GALNT14: variants seen among roughly 807,000 people sequenced by gnomAD.
GALNT14 encodes the protein polypeptide N-acetylgalactosaminyltransferase 14.
GALNT14 carries 60 observed loss-of-function variants against 77.5 expected under a neutral mutation model. The ratio of observed to expected loss-of-function variants is 0.77; its 90% confidence interval spans 0.63 to 0.96. The LOEUF is 0.96. GALNT14 is among the 40% of genes least tolerant of loss of function. The pLI, the probability that GALNT14 is intolerant of heterozygous loss-of-function variation, is 0.00. For synonymous variants in GALNT14, 280 were observed against 281.7 expected (o/e 0.99, Z 0.06); for missense variants, 710 against 731.0 (o/e 0.97, Z 0.33).
At chr2:31,037,967 T>A (rs10192472) in intron 1 of GALNT14, among the ~76,000 whole-genome samples, 59,860 of 149,784 alleles carry the variant, frequency 0.4, 12,129 homozygotes, top group East Asian at 0.54. Flanking sequence ...TGCATGGCAT[T>A]CTAAATTCTT....
intron 1 of GALNT14, among the ~76,000 whole-genome samples, chr2:31,133,255 C>A (rs550048704): frequency 3.3e-5 from 5 of 152,182 alleles, no homozygotes; most frequent in African/African-American, 4.8e-5. Context: ...GTCTAGGAAG[C>A]GGGCAACAAG....
At chr2:30,930,039 T>C (rs1665632121) in intron 10 of GALNT14, among the ~76,000 whole-genome samples, 1 of 152,184 alleles carries the variant, frequency 6.6e-6, no homozygotes, top group South Asian at 2.1e-4. Context: ...GCATTTTGGA[T>C]TTTAGATTTT....
chr2:31,031,761 G>A (rs1005905557), intron 1 of GALNT14, among the ~76,000 whole-genome samples: 2 of 152,188 alleles, frequency 1.3e-5, no homozygotes, highest in African/African-American at 4.8e-5. Context: ...AGAAGGAAAT[G>A]TGACTTTGAG....
chr2:31,058,674 T>A (rs1488545255), intron 1 of GALNT14, among the ~76,000 whole-genome samples: 4 of 152,090 alleles, frequency 2.6e-5, no homozygotes, highest in African/African-American at 9.7e-5. Flanking sequence ...TACCTCCTTT[T>A]CCACTCTGGC....
intron 1 of GALNT14, among the ~76,000 whole-genome samples, chr2:31,096,457 T>A (rs1677008848): frequency 6.6e-6 from 1 of 152,170 alleles, no homozygotes; most frequent in Non-Finnish European, 1.5e-5. Context: ...AGGGCTTTAA[T>A]CTAAGACAGT....
intron 1 of GALNT14, among the ~76,000 whole-genome samples, chr2:31,103,126 A>G (rs1477570427): frequency 6.6e-6 from 1 of 152,086 alleles, no homozygotes; most frequent in Non-Finnish European, 1.5e-5. Flanking sequence ...AGATATGACA[A>G]ATAGGCTTAT....
At position 31,011,506 on chromosome 2, in the gene GALNT14, T is replaced by A. The variant is rs557657195; in HGVS notation, c.130-18499A>T. Among the ~76,000 whole-genome samples the A allele has an allele frequency of 2.6e-5, 4 of 152,216 alleles. No homozygotes were observed. In the South Asian group the frequency reaches 8.3e-4, roughly 32 times the overall value. On this transcript the variant is annotated intron_variant, in intron 1 of 14. Coordinates refer to ENST00000349752, the MANE Select transcript of GALNT14 (RefSeq NM_024572.4). ...ACTATTTGAGGAGACAGGGCCCTAT[T>A]TTTCAGTGTAATAGAAGCCATGGTC...
In GALNT14 at chr2:30,955,989, A is replaced by G. The variant is rs767871980; in HGVS notation, c.467-12T>C. 3.1e-6 allele frequency: 5 copies of G among 1,614,166 alleles called. No homozygotes were observed. The highest frequency in any genetic ancestry group is 1.7e-5 in the Admixed American group (1 of 60,032). Reference sequence around the variant, plus strand: ...TTTACAGTCATCAGCTGCAAAGACAAAAGGTTAAGCCAATTGAGCGCCCAG... The same window carrying G: ...TTTACAGTCATCAGCTGCAAAGACAGAAGGTTAAGCCAATTGAGCGCCCAG... On this transcript the variant is annotated splice_polypyrimidine_tract_variant and intron_variant, in intron 4 of 14. Coordinates refer to ENST00000349752, the MANE Select transcript of GALNT14 (RefSeq NM_024572.4).
intron 1 of GALNT14, among the ~76,000 whole-genome samples, chr2:31,006,160 C>T (rs115443489): frequency 2.0e-3 from 306 of 152,324 alleles, no homozygotes; most frequent in African/African-American, 6.9e-3. Context: ...CAGTCACACT[C>T]ACGAGGAATG....
intron 1 of GALNT14, among the ~76,000 whole-genome samples, chr2:31,025,863 T>C (rs1212044318): frequency 6.6e-6 from 1 of 152,208 alleles, no homozygotes; most frequent in Non-Finnish European, 1.5e-5. Flanking sequence ...CAGGCAGGCC[T>C]TCTATGTTAC....
At chr2:31,125,777 T>C (rs1678673861) in intron 1 of GALNT14, among the ~76,000 whole-genome samples, 2 of 152,360 alleles carry the variant, frequency 1.3e-5, no homozygotes, top group East Asian at 3.9e-4. Flanking sequence ...TCCTGGCACA[T>C]GATAGCTTTC....
Position 31,027,886 on chromosome 2 carries a change from C to CTGTGTGTGTGTGTGTGTGTGTGTGTG in GALNT14, c.130-34905_130-34880dup, listed in dbSNP as rs10562223. 5.9e-3 allele frequency among the ~76,000 whole-genome samples: 843 copies of CTGTGTGTGTGTGTGTGTGTGTGTGTG among 141,826 alleles called. 7 individuals carry two copies. The highest frequency in any genetic ancestry group is 0.015 in the Middle Eastern group (4 of 274). The allele number at this position is 141,826 out of a possible 152,430, so 93.0% of individuals were successfully genotyped here. A position where few individuals can be genotyped will look rare whatever the true frequency, so the allele number is the denominator to read the frequency against. ...TACTCTAAGAGGGCCCAGATGTATT[C>CTGTGTGTGTGTGTGTGTGTGTGTGTG]TGTGTGTGTGTGTGTGTGTGTGTGT... On this transcript the variant is annotated intron_variant, in intron 1 of 14. Transcript: ENST00000349752.
chr2:31,084,692 T>G (rs537729382), intron 1 of GALNT14, among the ~76,000 whole-genome samples: 1 of 152,284 alleles, frequency 6.6e-6, no homozygotes, highest in South Asian at 2.1e-4. Context: ...AGTCGCTTCA[T>G]CTAACCTGGC....
chr2:30,949,033 C>T (rs753932165), intron 6 of GALNT14, among the ~76,000 whole-genome samples: 7 of 152,068 alleles, frequency 4.6e-5, no homozygotes, highest in Admixed American at 2.0e-4. Context: ...CTTGTGGTAT[C>T]TGCTTGGCTG....
chr2:31,071,742 C>T (rs1675384754), intron 1 of GALNT14, among the ~76,000 whole-genome samples: 1 of 152,248 alleles, frequency 6.6e-6, no homozygotes, highest in African/African-American at 2.4e-5. Flanking sequence ...TCTGACAGCT[C>T]TCTGTTCCTT....
At chr2:31,079,629 A>T (rs1324651663) in intron 1 of GALNT14, among the ~76,000 whole-genome samples, 2 of 152,174 alleles carry the variant, frequency 1.3e-5, no homozygotes, top group Non-Finnish European at 2.9e-5. Flanking sequence ...CCTCCTGCTA[A>T]TAAAACCCTA....
intron 1 of GALNT14, among the ~76,000 whole-genome samples, chr2:31,068,057 T>C (rs994779707): frequency 6.6e-6 from 1 of 152,122 alleles, no homozygotes; most frequent in African/African-American, 2.4e-5. Flanking sequence ...ACTCTTATCC[T>C]TTCCCCAAGC....
chr2:31,043,480 G>A (rs930125917), intron 1 of GALNT14, among the ~76,000 whole-genome samples: 2 of 152,200 alleles, frequency 1.3e-5, no homozygotes, highest in African/African-American at 4.8e-5. Context: ...AAGAAACAGT[G>A]TAGACAAACA....
chr2:30,950,978 C>T (rs913372533), intron 6 of GALNT14, among the ~76,000 whole-genome samples: 3 of 152,200 alleles, frequency 2.0e-5, no homozygotes, highest in African/African-American at 7.2e-5. Context: ...GCTCCCTTAA[C>T]ACATTCTGCA....
Sources: gnomAD v4.1 joint callset for allele counts (sites outside exome capture counted in the v4.1 genomes callset) on GRCh38, gnomAD v4.1.1 for gene constraint, MANE v1.5 for transcripts, NCBI Gene and HGNC (gene_info 2026-07-23, HGNC 2026-07-21) for gene names.